FRMPD2: variants seen among roughly 807,000 people sequenced by gnomAD.
The protein encoded by FRMPD2 is FERM and PDZ domain-containing protein 2.
FRMPD2 carries 96 observed loss-of-function variants against 140.1 expected under a neutral mutation model. The ratio of observed to expected loss-of-function variants is 0.69; its 90% CI spans 0.58 to 0.81. FRMPD2 has a LOEUF of 0.81. FRMPD2 is among the 40% of genes least tolerant of loss of function. FRMPD2 has a pLI of 0.00. For missense variants in FRMPD2, 1,240 were observed against 1,447.4 expected, an observed-to-expected ratio of 0.86 and a Z score of 2.32; for synonymous variants, 449 against 547.6, an observed-to-expected ratio of 0.82 and a Z score of 2.52.
intron 10 of FRMPD2, among the ~76,000 whole-genome samples, chr10:48,226,690 C>A (rs115091094): frequency 0.014 from 2,142 of 152,296 alleles, 49 homozygotes; most frequent in African/African-American, 0.047. Context: ...ACCATACAGA[C>A]CTTGTTGGAA....
chr10:48,217,484 G>C (rs930425191), intron 12 of FRMPD2, among the ~76,000 whole-genome samples: 14 of 152,170 alleles, frequency 9.2e-5, no homozygotes, highest in Non-Finnish European at 1.3e-4. Context: ...AGTCTGAGAA[G>C]TGTTTTCAAA....
Position 48,228,566 on chromosome 10 carries a change from A to T in FRMPD2, c.1168+3549T>A, listed in dbSNP as rs190974301. ...TACACTGAAAAAATGTGCTATGAGG[A>T]AGCATATATTTCTAGGTGTTATAAA... On this transcript the variant is annotated intron_variant, in intron 10 of 28. Coordinates refer to ENST00000374201, the MANE Select transcript of FRMPD2 (RefSeq NM_001018071.4). Among the ~76,000 whole-genome samples the T allele has an allele frequency of 4.8e-4, 73 of 152,114 alleles. 1 individual carries two copies. The East Asian group carries it at 0.012, about 25-fold the overall frequency.
chr10:48,270,981 C>T (rs1314128279), intron 1 of FRMPD2, among the ~76,000 whole-genome samples: 1 of 152,162 alleles, frequency 6.6e-6, no homozygotes, highest in Non-Finnish European at 1.5e-5. Context: ...TTGCCCCTGC[C>T]CTGATCCATT....
intron 14 of FRMPD2, among the ~76,000 whole-genome samples, chr10:48,202,789 T>C (rs890180652): frequency 2.0e-5 from 3 of 152,160 alleles, no homozygotes; most frequent in Admixed American, 1.3e-4. Context: ...ATATTAAGCA[T>C]TTTTTATATG....
chr10:48,161,081 G>T (rs1837926282), intron 28 of FRMPD2, among the ~76,000 whole-genome samples: 1 of 151,014 alleles, frequency 6.6e-6, no homozygotes, highest in Admixed American at 6.6e-5. Flanking sequence ...AGGGGGTGCG[G>T]TTGGCCATTG....
intron 12 of FRMPD2, among the ~76,000 whole-genome samples, chr10:48,214,930 C>T (rs1839410959): frequency 6.6e-6 from 1 of 152,154 alleles, no homozygotes; most frequent in African/African-American, 2.4e-5. Context: ...AGAAAGAATG[C>T]AAATTGAATG....
At chr10:48,184,514 C>T (rs1213390352) in intron 20 of FRMPD2, 52 bp downstream of exon 20, 18 of 1,087,148 alleles carry the variant, frequency 1.7e-5, no homozygotes, top group Non-Finnish European at 2.4e-5. Flanking sequence ...TAATCATGTA[C>T]TCCTGAAAAC....
intron 3 of FRMPD2, among the ~76,000 whole-genome samples, chr10:48,248,179 C>T (rs1000159264): frequency 1.3e-5 from 2 of 152,214 alleles, no homozygotes; most frequent in African/African-American, 4.8e-5. Flanking sequence ...AGAAACAGAA[C>T]TCTCTGCGGA....
At chr10:48,194,534 G>T (rs1838909645) in intron 15 of FRMPD2, among the ~76,000 whole-genome samples, 1 of 152,188 alleles carries the variant, frequency 6.6e-6, no homozygotes, top group Admixed American at 6.5e-5. Context: ...GCTCAGAAAG[G>T]TTTAGCGAGT....
intron 9 of FRMPD2, among the ~76,000 whole-genome samples, chr10:48,232,546 G>A (rs1163860219): frequency 6.6e-6 from 1 of 152,148 alleles, no homozygotes; most frequent in Non-Finnish European, 1.5e-5. Context: ...CTCAGCAGGG[G>A]CCAGGAAAGC....
intron 13 of FRMPD2, among the ~76,000 whole-genome samples, chr10:48,210,243 G>A (rs527405024): frequency 1.2e-4 from 19 of 152,246 alleles, no homozygotes; most frequent in Non-Finnish European, 2.5e-4. Flanking sequence ...GGCAACACCA[G>A]CATTAACAAC....
At chr10:48,252,194 G>T (rs1588856085) in intron 1 of FRMPD2, among the ~76,000 whole-genome samples, 1 of 152,234 alleles carries the variant, frequency 6.6e-6, no homozygotes, top group East Asian at 1.9e-4. Context: ...GCACCTGCCT[G>T]AAGTGCCAGA....
chr10:48,242,905 G>A (rs1840158685), intron 4 of FRMPD2, among the ~76,000 whole-genome samples: 2 of 152,218 alleles, frequency 1.3e-5, no homozygotes, highest in African/African-American at 4.8e-5. Context: ...AAAGAAAACA[G>A]AAGCATCTTA....
chr10:48,244,713 G>A (rs1840203819), intron 4 of FRMPD2, 71 bp downstream of exon 4: 1 of 1,173,734 alleles, frequency 8.5e-7, no homozygotes, highest in Admixed American at 1.7e-5. Context: ...TGTGGTCCCT[G>A]CCCAGGAGAA....
intron 15 of FRMPD2, among the ~76,000 whole-genome samples, chr10:48,193,950 G>A (rs1461344216): frequency 6.6e-6 from 1 of 152,130 alleles, no homozygotes; most frequent in African/African-American, 2.4e-5. Context: ...CATGCATGAG[G>A]CACTATGGTA....
At chr10:48,170,832 A>C (rs1167120777) in intron 26 of FRMPD2, among the ~76,000 whole-genome samples, 162 bp downstream of exon 26, 1 of 152,042 alleles carries the variant, frequency 6.6e-6, no homozygotes, top group African/African-American at 2.4e-5. Context: ...TTTTAAATTA[A>C]ATGTGAGCAT....
intron 4 of FRMPD2, among the ~76,000 whole-genome samples, chr10:48,243,364 T>C (rs1014616772): frequency 2.0e-5 from 3 of 152,172 alleles, no homozygotes; most frequent in Non-Finnish European, 2.9e-5. Context: ...AAGGGATCCG[T>C]GTGTACAAAG....
intron 10 of FRMPD2, among the ~76,000 whole-genome samples, chr10:48,227,756 G>A (rs1472806436): frequency 6.6e-6 from 1 of 152,186 alleles, no homozygotes; most frequent in Admixed American, 6.5e-5. Flanking sequence ...TGGCTTGAAG[G>A]AAGAAAATAA....
intron 16 of FRMPD2, among the ~76,000 whole-genome samples, chr10:48,189,400 G>A (rs1192847639): frequency 4.6e-5 from 7 of 152,246 alleles, no homozygotes; most frequent in Non-Finnish European, 1.0e-4. Flanking sequence ...GGCAGGAGCT[G>A]TACCTCACGG....
Sources: allele counts gnomAD v4.1 joint callset (sites outside exome capture counted in the v4.1 genomes callset), GRCh38; gene constraint gnomAD v4.1.1; transcripts MANE v1.5; gene names NCBI Gene and HGNC (gene_info 2026-07-23, HGNC 2026-07-21).